Variants in CIB1 observed in about 807,000 individuals in gnomAD.
CIB1 encodes the protein calcium and integrin-binding protein 1.
A neutral mutation model predicts 25.0 loss-of-function variants in CIB1; 19 were observed. The observed-to-expected ratio is 0.76, with a 90% confidence interval of 0.53 to 1.12. CIB1 has a LOEUF of 1.12. CIB1 is among the 50% of genes most tolerant of loss of function. The probability of loss-of-function intolerance (pLI) is 0.00; values close to 1 mark genes in which losing one functional copy is unlikely to be tolerated. For missense variants in CIB1, 236 were observed against 242.6 expected, an observed-to-expected ratio of 0.97 and a Z score of 0.18; for synonymous variants, 104 against 98.5, an observed-to-expected ratio of 1.06 and a Z score of -0.33.
chr15:90,241,249 G>C, the CIB1 span: 1 of 1,614,192 alleles, frequency 6.2e-7, no homozygotes. Context: ...ACCATCAAGA[G>C]TGTGAGGCAG....
chr15:90,250,826 A>T, the CIB1 span: 1 of 1,614,220 alleles, frequency 6.2e-7, no homozygotes, highest in East Asian at 2.2e-5. Context: ...GAAGAAAGTC[A>T]TAGCCCCAGT....
chr15:90,255,974 C>G, the CIB1 span: 1 of 1,594,408 alleles, frequency 6.3e-7, no homozygotes, highest in Non-Finnish European at 8.6e-7. Flanking sequence ...AGGAATGTCT[C>G]AGAGGGATGG....
the CIB1 span, among the ~76,000 whole-genome samples, chr15:90,246,394 C>T: frequency 6.6e-6 from 1 of 152,058 alleles, no homozygotes; most frequent in African/African-American, 2.4e-5. Flanking sequence ...GGGGTAACAG[C>T]TTTGCATTTG....
chr15:90,257,092 C>T, the CIB1 span: 3 of 1,573,156 alleles, frequency 1.9e-6, no homozygotes, highest in Non-Finnish European at 1.7e-6. Context: ...ACATAGTAGG[C>T]ACTTCAAAAG....
chr15:90,241,539 T>C, the CIB1 span: 1 of 1,613,414 alleles, frequency 6.2e-7, no homozygotes, highest in Non-Finnish European at 8.5e-7. Context: ...CCTGGGAGGC[T>C]TGGCCTCGGT....
chr15:90,265,212 C>G, the CIB1 span: 4 of 1,353,738 alleles, frequency 3.0e-6, no homozygotes, highest in Non-Finnish European at 3.8e-6. Flanking sequence ...CATTTCTGCT[C>G]ATCAAGCCTT....
the CIB1 span, chr15:90,265,305 T>C: frequency 1.6e-5 from 19 of 1,209,730 alleles, no homozygotes; most frequent in African/African-American, 2.9e-4. Context: ...AATGAGCCCC[T>C]TTCCCAGAGA....
the CIB1 span, among the ~76,000 whole-genome samples, chr15:90,253,655 C>T: frequency 6.6e-6 from 1 of 152,094 alleles, no homozygotes; most frequent in Non-Finnish European, 1.5e-5. Context: ...TGGGTGAGCA[C>T]ATCTTAGGGA....
At chr15:90,263,008 GTGGAAGAGGAGGAGC>G in the CIB1 span, 1 of 1,536,100 alleles carries the variant, frequency 6.5e-7, no homozygotes, top group Non-Finnish European at 8.7e-7. Context: ...TCAAGAAATT[GTGGAAGAGGAGGAGC>G]TGGAGCGGAT....
At chr15:90,239,710 A>G in the CIB1 span, among the ~76,000 whole-genome samples, 1,319 of 152,326 alleles carry the variant, frequency 8.7e-3, 29 homozygotes, top group African/African-American at 0.03. Context: ...ATATCTATCT[A>G]TCTATCTATT....
chr15:90,237,753 A>T (rs1226386345), upstream of CIB1, among the ~76,000 whole-genome samples: 1 of 150,954 alleles, frequency 6.6e-6, no homozygotes, highest in Admixed American at 6.6e-5. Context: ...CTCATTTTAA[A>T]TTTTTTCGCC....
chr15:90,254,673 C>A, the CIB1 span, among the ~76,000 whole-genome samples: 31 of 151,880 alleles, frequency 2.0e-4, no homozygotes, highest in Non-Finnish European at 3.1e-4. Context: ...CCCATCTCTA[C>A]CAAAAATACA....
chr15:90,237,352 G>T (rs1299224081), upstream of CIB1, among the ~76,000 whole-genome samples: 1 of 137,730 alleles, frequency 7.3e-6, no homozygotes, highest in Non-Finnish European at 1.5e-5. Flanking sequence ...CACCACCTCA[G>T]TTCACCACAA....
rs1962468217 is a variant in CIB1, at chr15:90,231,024, TG to T, written c.466-3del. ...GTCAATGTCAGACTCCTCCAGGATC[TG>T]GGAAAGGGAGAGTTTCAGGCCAGAG... On this transcript the variant is annotated splice_polypyrimidine_tract_variant and splice_region_variant and intron_variant, in intron 5 of 6. Transcript: ENST00000328649. 1 of 1,613,990 alleles carries T rather than the reference TG, an allele frequency of 6.2e-7. No homozygotes were observed. Among genetic ancestry groups the T allele is most frequent in the Non-Finnish European group, 8.5e-7 (1 of 1,179,840 alleles).
At chr15:90,250,708 A>T in the CIB1 span, 1 of 1,614,186 alleles carries the variant, frequency 6.2e-7, no homozygotes, top group South Asian at 1.1e-5. Context: ...AGTGTGTTAA[A>T]GAGGGAGTTA....
the CIB1 span, among the ~76,000 whole-genome samples, chr15:90,252,198 T>G: frequency 1.3e-5 from 2 of 152,042 alleles, no homozygotes; most frequent in Admixed American, 1.3e-4. Flanking sequence ...TGCCACCACA[T>G]CTGGCTAATT....
upstream of CIB1, chr15:90,234,034 A>G: frequency 1.1e-6 from 1 of 931,854 alleles, no homozygotes; most frequent in Non-Finnish European, 1.5e-6. Context: ...AAAAGCTGCC[A>G]GGCGTTCCCA....
chr15:90,239,714 A>G, the CIB1 span, among the ~76,000 whole-genome samples: 1 of 152,194 alleles, frequency 6.6e-6, no homozygotes, highest in Admixed American at 6.5e-5. Context: ...CTATCTATCT[A>G]TCTATTTTTT....
chr15:90,248,980 C>G, the CIB1 span, among the ~76,000 whole-genome samples: 2 of 152,024 alleles, frequency 1.3e-5, no homozygotes, highest in African/African-American at 2.4e-5. Flanking sequence ...GAGGCAAAGC[C>G]TTGAAAGGCA....
Sources: allele counts gnomAD v4.1 joint callset (sites outside exome capture counted in the v4.1 genomes callset), GRCh38; gene constraint gnomAD v4.1.1; transcripts MANE v1.5; gene names NCBI Gene and HGNC (gene_info 2026-07-23, HGNC 2026-07-21).